SLC29A2: variants seen among roughly 807,000 people sequenced by gnomAD.
The protein encoded by SLC29A2 is solute carrier family 29 member 2.
SLC29A2 carries 37 observed loss-of-function variants against 48.8 expected under a neutral mutation model. The ratio of observed to expected loss-of-function variants is 0.76; its 90% confidence interval spans 0.58 to 1.00. The LOEUF is 1.00. Ranked by LOEUF, SLC29A2 falls within the 50% of genes least tolerant of loss-of-function variation. The pLI is 0.00. For missense variants in SLC29A2, 533 were observed against 578.6 expected (o/e 0.92, Z 0.81); for synonymous variants, 233 against 261.7 (o/e 0.89, Z 1.06).
At position 66,366,473 on chromosome 11, in the gene SLC29A2, G is replaced by A. The variant is rs1373297584; in HGVS notation, c.825C>T (p.Pro275=). The A allele has an allele frequency of 1.9e-6, 3 of 1,614,018 alleles. No homozygotes were observed. In the African/African-American group the frequency reaches 4.0e-5, roughly 22 times the overall value. Reference sequence around the variant, plus strand: ...AGACTGAAGGTTTTCCTGGCTTCTGGGGCTCATCTGGCTCTGATTCCGGCT... The same window carrying A: ...AGACTGAAGGTTTTCCTGGCTTCTGAGGCTCATCTGGCTCTGATTCCGGCT... ...EKEPESEPDE[P]QKPGKPSVFT... Residue 275 remains proline, a synonymous_variant, in exon 8 of 12, where the codon CCC becomes CCT. Transcript: ENST00000357440.
At chr11:66,363,788 G>A (rs1855504785) in intron 11 of SLC29A2, 1 of 563,684 alleles carries the variant, frequency 1.8e-6, no homozygotes, top group African/African-American at 1.9e-5. Flanking sequence ...CCTTTCCACA[G>A]TGCTCTCAGC....
At chr11:66,363,927 G>T (rs574018122) in intron 11 of SLC29A2, among the ~76,000 whole-genome samples, 1 of 149,212 alleles carries the variant, frequency 6.7e-6, no homozygotes, top group South Asian at 2.2e-4. Flanking sequence ...AGTTAGATGG[G>T]CCCTGAGGGA....
At chr11:66,367,904 C>T (rs377723812) in intron 5 of SLC29A2, 35 bp from the exon 6 acceptor site, 1 of 1,573,066 alleles carries the variant, frequency 6.4e-7, no homozygotes, top group Non-Finnish European at 8.7e-7. Flanking sequence ...AGAGAGGCAC[C>T]TGGTCCCGCC....
chr11:66,368,736 G>A (rs1855853911), intron 4 of SLC29A2, 65 bp from the exon 5 acceptor site: 1 of 1,554,436 alleles, frequency 6.4e-7, no homozygotes, highest in African/African-American at 1.4e-5. Context: ...CCTGGAGGAG[G>A]TGCCGGCAGG....
rs1388216065 is a variant in SLC29A2, at chr11:66,369,146, A to G, written c.329T>C (p.Phe110Ser). 6.3e-7 allele frequency: 1 copy of G among 1,582,716 alleles called. No homozygotes were observed. Reference protein sequence around the residue: ...LGSLLAILLLFALTAALVKVD... With the variant: ...LGSLLAILLLSALTAALVKVD... ...CTTGACCAGCGCTGCTGTCAGGGCA[A>G]AGAGCAGCAGTATGGCCAGCAGGCT... Residue 110 changes from phenylalanine (F) to serine (S), a missense_variant, in exon 4 of 12, where the codon TTT (phenylalanine) becomes TCT (serine). By Grantham distance (155) the Phe-to-Ser change is radical. Transcript: ENST00000357440.
At chr11:66,368,732 G>A in intron 4 of SLC29A2, 61 bp from the exon 5 acceptor site, 1 of 1,558,604 alleles carries the variant, frequency 6.4e-7, no homozygotes, top group Non-Finnish European at 8.7e-7. Flanking sequence ...GCTCCCTGGA[G>A]GAGGTGCCGG....
At chr11:66,370,237 C>T (rs148194340) in intron 2 of SLC29A2, among the ~76,000 whole-genome samples, 116 of 152,360 alleles carry the variant, frequency 7.6e-4, no homozygotes, top group African/African-American at 2.5e-3. Context: ...TCTCCTCTTC[C>T]ATGAAGCAGA....
At position 66,363,357 on chromosome 11, in the gene SLC29A2, C is replaced by A. The variant is rs1339612067; in HGVS notation, c.*79G>T. On this transcript the variant is annotated 3_prime_UTR_variant, in exon 12 of 12. Coordinates refer to ENST00000357440, the MANE Select transcript of SLC29A2 (RefSeq NM_001532.3). ...ACCCCGCAGAGGCCTGAGCCAAGCTCGCCATTCGCCCTGGGCTGGATCTCA... is the reference window on the plus strand; with the variant it reads ...ACCCCGCAGAGGCCTGAGCCAAGCTAGCCATTCGCCCTGGGCTGGATCTCA... 12 of 1,193,124 alleles carry A rather than the reference C, an allele frequency of 1.0e-5. No homozygotes were observed. The highest frequency in any genetic ancestry group is 1.5e-5 in the Non-Finnish European group (12 of 810,608). The allele number at this position is 1,193,124 out of a possible 1,614,324, so 73.9% of individuals were successfully genotyped here. A position where few individuals can be genotyped will look rare whatever the true frequency, so the allele number is the denominator to read the frequency against.
Position 66,371,674 on chromosome 11 carries a change from G to A in SLC29A2, c.-83C>T, listed in dbSNP as rs970679954. On this transcript the variant is annotated 5_prime_UTR_variant, in exon 1 of 12. Coordinates refer to ENST00000357440, the MANE Select transcript of SLC29A2 (RefSeq NM_001532.3). ...GCGCTGGGGCGGAGGGCCGCAGACCGGTGGGGCGGGGGGCGGGTCTCCCCA... is the reference window on the plus strand; with the variant it reads ...GCGCTGGGGCGGAGGGCCGCAGACCAGTGGGGCGGGGGGCGGGTCTCCCCA... 1.4e-6 allele frequency: 2 copies of A among 1,381,466 alleles called. No individual in the cohort carries two copies. Among genetic ancestry groups the A allele is most frequent in the East Asian group, 2.5e-5 (1 of 39,552 alleles). The allele number at this position is 1,381,466 out of a possible 1,614,324, so 85.6% of individuals were successfully genotyped here.
chr11:66,371,134 G>C, intron 2 of SLC29A2, 110 bp downstream of exon 2: 2 of 921,356 alleles, frequency 2.2e-6, no homozygotes, highest in Non-Finnish European at 3.5e-6. Flanking sequence ...TGAGCTCAAC[G>C]AGGGGTCACA....
At chr11:66,370,917 G>T (rs987424705) in intron 2 of SLC29A2, among the ~76,000 whole-genome samples, 6 of 151,766 alleles carry the variant, frequency 4.0e-5, no homozygotes, top group African/African-American at 1.5e-4. Flanking sequence ...GAAATTCATG[G>T]TATTTCAAAG....
chr11:66,363,840 C>T (rs929785100), intron 11 of SLC29A2: 62 of 527,500 alleles, frequency 1.2e-4, no homozygotes, highest in African/African-American at 7.4e-4. Context: ...ATTCTCCACT[C>T]CATTGCCCCT....
intron 2 of SLC29A2, 119 bp from the exon 3 acceptor site, chr11:66,369,651 G>A: frequency 1.7e-6 from 2 of 1,192,690 alleles, no homozygotes; most frequent in South Asian, 2.6e-5. Context: ...TCCTTGTTCT[G>A]TTCCCAGCAG....
At position 66,369,501 on chromosome 11, in the gene SLC29A2, T is replaced by C. The variant is rs143010989; in HGVS notation, c.143A>G (p.Asn48Ser). The stretch of plus-strand genomic sequence containing the variant: ...GGTGCTCAGGATCCTGGCTGTGCTG[T>C]TGCCGGCCCCGGCCAGTCGCGCCTG... ...YFQARLAGAG[N>S]STARILSTNH... The change falls in exon 3 of 12, where the codon AAC becomes AGC. Residue 48 changes from asparagine (N) to serine (S), a missense_variant. By Grantham distance (46) the Asn-to-Ser change is conservative. Transcript: ENST00000357440. The C allele has an allele frequency of 1.2e-4, 199 of 1,613,932 alleles. No homozygotes were observed. The highest frequency in any genetic ancestry group is 6.4e-4 in the African/African-American group (48 of 75,004).
In SLC29A2 at chr11:66,364,564, C is replaced by T. The variant is rs189220151; in HGVS notation, c.1060-140G>A. The T allele has an allele frequency of 4.2e-4, 268 of 643,000 alleles. 1 individual carries two copies. In the African/African-American group the frequency reaches 4.3e-3, roughly 10 times the overall value. The allele number at this position is 643,000 out of a possible 1,614,324, so 39.8% of individuals were successfully genotyped here. On this transcript the variant is annotated intron_variant, in intron 10 of 11. Coordinates refer to ENST00000357440, the MANE Select transcript of SLC29A2 (RefSeq NM_001532.3). The stretch of plus-strand genomic sequence containing the variant: ...TGTTGCCCAGGCTGGAGTGCAGTGG[C>T]CCTGATCTCAGCTCACTGCAACCTC...
In SLC29A2 at chr11:66,367,784, G is replaced by T. The variant is rs1590656590; in HGVS notation, c.636C>A (p.Ser212Arg). 1 of 1,614,074 alleles carries T rather than the reference G, an allele frequency of 6.2e-7. No individual in the cohort carries two copies. The highest frequency in any genetic ancestry group is 8.5e-7 in the Non-Finnish European group (1 of 1,179,886). ...ACAGCAGGCTCACCAGGTGAGGCAG[G>T]CTCAGGTAACACACGATGGACATGA... Reference protein sequence around the residue: ...GILMSIVCYLSLPHLKFARYY... With the variant: ...GILMSIVCYLRLPHLKFARYY... The change falls in exon 6 of 12, where the codon AGC becomes AGA. Residue 212 changes from serine (S) to arginine (R), a missense_variant. Physicochemically the swap from Ser to Arg is moderately radical, Grantham distance 110 (BLOSUM62 -1). Transcript: ENST00000357440.
At chr11:66,364,671 A>C (rs1038034254) in intron 10 of SLC29A2, 29 of 429,870 alleles carry the variant, frequency 6.7e-5, no homozygotes, top group African/African-American at 2.0e-5. Flanking sequence ...CCATGCCCAG[A>C]TAATTTTTAT....
chr11:66,371,438 G>A lies in SLC29A2; in HGVS notation c.30-113C>T, dbSNP rs2135018416. 3 of 1,504,238 alleles carry A rather than the reference G, an allele frequency of 2.0e-6. 1 individual carries two copies. Among genetic ancestry groups the A allele is most frequent in the Non-Finnish European group, 9.1e-7 (1 of 1,097,500 alleles). The allele number at this position is 1,504,238 out of a possible 1,614,324, so 93.2% of individuals were successfully genotyped here. ...CTACAACCCCGATCACCCCGGTTCC[G>A]GCGGCCGAGGGAGTCGGCTGATGGG... On this transcript the variant is annotated intron_variant, in intron 1 of 11. Transcript: ENST00000357440.
At chr11:66,369,296 G>A (rs957651333) in intron 3 of SLC29A2, 73 bp downstream of exon 3, 15 of 1,601,954 alleles carry the variant, frequency 9.4e-6, no homozygotes, top group Non-Finnish European at 1.1e-5. Context: ...GGGCTGGGGG[G>A]CAGGGGGCGC....
Sources: gnomAD v4.1 joint callset for allele counts (sites outside exome capture counted in the v4.1 genomes callset) on GRCh38, gnomAD v4.1.1 for gene constraint, MANE v1.5 for transcripts, NCBI Gene and HGNC (gene_info 2026-07-23, HGNC 2026-07-21) for gene names.